The following FGF14 variants were observed in gnomAD, a reference collection of about 807,000 sequenced individuals.
FGF14 encodes fibroblast growth factor homologous factor 4.
In FGF14, 5 loss-of-function variants were observed where a neutral mutation model predicts 25.5. The ratio of observed to expected loss-of-function variants is 0.20; its 90% CI spans 0.10 to 0.41. The LOEUF (loss-of-function observed/expected upper bound fraction) is 0.41, where lower values mean the gene tolerates loss of function less well. Ranked by LOEUF, FGF14 falls within the 10% of genes least tolerant of loss-of-function variation. FGF14 has a pLI of 1.00. For missense variants in FGF14, 222 were observed against 320.1 expected (o/e 0.69, Z 2.34); for synonymous variants, 138 against 118.3 (o/e 1.17, Z -1.08).
chr13:101,973,119 CTTT>C (rs35290815), intron 1 of FGF14, among the ~76,000 whole-genome samples: 98 of 127,508 alleles, frequency 7.7e-4, no homozygotes, highest in African/African-American at 1.4e-3. Context: ...AAGTGTGCTT[CTTT>C]TTTTTTTTTT....
chr13:102,148,116 G>A (rs551153), intron 1 of FGF14, among the ~76,000 whole-genome samples: 3,986 of 152,046 alleles, frequency 0.026, 177 homozygotes, highest in African/African-American at 0.091. Context: ...TCCCTGCATC[G>A]AAAATGAAAG....
intron 1 of FGF14, among the ~76,000 whole-genome samples, chr13:102,088,272 T>C (rs2044016194): frequency 6.6e-6 from 1 of 152,188 alleles, no homozygotes; most frequent in Non-Finnish European, 1.5e-5. Flanking sequence ...AATGCTGTAG[T>C]TTAATGAAGG....
intron 4 of FGF14, among the ~76,000 whole-genome samples, chr13:101,724,631 T>TATATAA (rs1284515756): frequency 3.7e-5 from 4 of 109,142 alleles, no homozygotes; most frequent in African/African-American, 1.3e-4. Context: ...TATATATATA[T>TATATAA]AAAACAAAGA....
intron 1 of FGF14, among the ~76,000 whole-genome samples, chr13:102,236,984 A>G (rs1409407161): frequency 6.6e-6 from 1 of 152,134 alleles, no homozygotes; most frequent in East Asian, 1.9e-4. Flanking sequence ...GCAAAGGACC[A>G]CAGAGGGGGC....
intron 1 of FGF14, chr13:102,395,842 G>T (rs183689885): frequency 6.6e-6 from 1 of 152,276 alleles, no homozygotes; most frequent in Non-Finnish European, 1.5e-5. Context: ...AAACATGTCT[G>T]CGACATTCAT....
intron 3 of FGF14, among the ~76,000 whole-genome samples, chr13:101,791,044 A>C (rs2040204240): frequency 6.6e-6 from 1 of 152,016 alleles, no homozygotes; most frequent in African/African-American, 2.4e-5. Context: ...ATATTTGCTA[A>C]CACACAAGCA....
At chr13:102,085,520 A>G (rs1298964688) in intron 1 of FGF14, among the ~76,000 whole-genome samples, 2 of 152,118 alleles carry the variant, frequency 1.3e-5, no homozygotes, top group African/African-American at 4.8e-5. Context: ...TATTAAGAGA[A>G]TAAACAGTGG....
intron 1 of FGF14, among the ~76,000 whole-genome samples, chr13:102,084,554 T>G (rs2140212776): frequency 6.6e-6 from 1 of 152,320 alleles, no homozygotes; most frequent in East Asian, 1.9e-4. Context: ...CGTTATCTGC[T>G]AATCATTTCA....
rs375835891 is a variant in FGF14 at position 101,959,023 on chromosome 13, T to A, written c.209-83727A>T. ...CACCTCCCCACCCCTTAGACCACCC[T>A]GAAATTACCCAAGCAAACCTTCAAT... On this transcript the variant is annotated intron_variant, in intron 1 of 4. Transcript: ENST00000376131. Among the ~76,000 whole-genome samples, 55 of 152,316 alleles carry A rather than the reference T, an allele frequency of 3.6e-4. 1 individual carries two copies. The highest frequency in any genetic ancestry group is 1.2e-3 in the African/African-American group (51 of 41,580).
At chr13:102,062,008 TGA>T (rs2042709362) in intron 1 of FGF14, among the ~76,000 whole-genome samples, 1 of 152,098 alleles carries the variant, frequency 6.6e-6, no homozygotes, top group Non-Finnish European at 1.5e-5. Context: ...CCCAGAAATA[TGA>T]GATACAATGA....
intron 3 of FGF14, among the ~76,000 whole-genome samples, chr13:101,781,002 T>C (rs555995745): frequency 1.3e-5 from 2 of 151,972 alleles, no homozygotes; most frequent in African/African-American, 2.4e-5. Context: ...GCCACACATG[T>C]CCATCTTCCT....
At chr13:102,391,801 T>C (rs980664501) in intron 1 of FGF14, among the ~76,000 whole-genome samples, 1 of 152,372 alleles carries the variant, frequency 6.6e-6, no homozygotes, top group African/African-American at 2.4e-5. Context: ...TGGTTACTAC[T>C]GAGTGCTTAC....
At chr13:102,074,226 C>T (rs2043266387) in intron 1 of FGF14, among the ~76,000 whole-genome samples, 1 of 152,172 alleles carries the variant, frequency 6.6e-6, no homozygotes, top group South Asian at 2.1e-4. Flanking sequence ...GTTGCCCAGG[C>T]TGGTCTCAAA....
intron 1 of FGF14, among the ~76,000 whole-genome samples, chr13:102,228,590 G>A (rs1250251170): frequency 6.6e-6 from 1 of 151,950 alleles, no homozygotes; most frequent in African/African-American, 2.4e-5. Context: ...CCTTTCTTAG[G>A]CACCAAACCC....
chr13:101,901,862 G>GA (rs947436000), intron 1 of FGF14, among the ~76,000 whole-genome samples: 3 of 152,092 alleles, frequency 2.0e-5, no homozygotes, highest in African/African-American at 7.2e-5. Context: ...TCTTTCGTTT[G>GA]AAAAATAAAG....
At chr13:102,264,298 T>C (rs893536962) in intron 1 of FGF14, among the ~76,000 whole-genome samples, 1 of 152,162 alleles carries the variant, frequency 6.6e-6, no homozygotes, top group African/African-American at 2.4e-5. Context: ...CAACGCAAAG[T>C]TGAGGCTCAA....
chr13:102,380,203 T>C (rs528412451), intron 1 of FGF14, among the ~76,000 whole-genome samples: 34 of 152,136 alleles, frequency 2.2e-4, no homozygotes, highest in African/African-American at 7.2e-4. Context: ...TTACATGGAA[T>C]GTCATGAAAC....
chr13:101,716,565 A>G lies in FGF14; in HGVS notation c.*6266T>C, dbSNP rs1343071382. 1.3e-5 allele frequency: 2 copies of G among 152,180 alleles called. No individual in the cohort carries two copies. Among genetic ancestry groups the G allele is most frequent in the South Asian group, 4.1e-4 (2 of 4,832 alleles). The allele number at this position is 152,180 out of a possible 1,614,324, so 9.4% of individuals were successfully genotyped here. On this transcript the variant is annotated 3_prime_UTR_variant, in exon 5 of 5. Coordinates refer to ENST00000376143, the MANE Select transcript of FGF14 (RefSeq NM_004115.4). ...TTAAAACTGGGCAGGGGTTATGCGT[A>G]CAAGAAATCTGATTTTTTATTTTAA...
rs186195187 is a variant in FGF14 at position 101,792,246 on chromosome 13, A to G, written c.409-65436T>C. Among the ~76,000 whole-genome samples, 1,047 of 152,222 alleles carry G rather than the reference A, an allele frequency of 6.9e-3. 11 individuals carry two copies. Among genetic ancestry groups the G allele is most frequent in the African/African-American group, 0.023 (960 of 41,562 alleles). On this transcript the variant is annotated intron_variant, in intron 3 of 4. Coordinates refer to ENST00000376143, the MANE Select transcript of FGF14 (RefSeq NM_004115.4). ...TAGCTATTTTCCTATTGTCAGATGA[A>G]ATCCTTAGATTTGAGGAAAAGAGCT... is the stretch of plus-strand genomic sequence containing the variant.
Sources: allele counts gnomAD v4.1 joint callset (sites outside exome capture counted in the v4.1 genomes callset), GRCh38; gene constraint gnomAD v4.1.1; transcripts MANE v1.5; gene names NCBI Gene and HGNC (gene_info 2026-07-23, HGNC 2026-07-21).